The following HPSE2 variants were observed in gnomAD, a reference collection of about 807,000 sequenced individuals.
HPSE2 encodes heparanase 2 (inactive).
Under a neutral mutation model 60.5 loss-of-function variants are expected in HPSE2, and 38 were observed. The ratio of observed to expected loss-of-function variants is 0.63; its 90% CI spans 0.48 to 0.82. The LOEUF (loss-of-function observed/expected upper bound fraction) is 0.82. HPSE2 is among the 40% of genes least tolerant of loss of function. The pLI, the probability that HPSE2 is intolerant of heterozygous loss-of-function variation, is 0.00. For missense variants in HPSE2, 713 were observed against 740.4 expected (o/e 0.96, Z 0.43); for synonymous variants, 295 against 293.2 (o/e 1.01, Z -0.06).
At chr10:99,008,018 G>A (rs1956930996) in intron 3 of HPSE2, among the ~76,000 whole-genome samples, 1 of 152,202 alleles carries the variant, frequency 6.6e-6, no homozygotes, top group South Asian at 2.1e-4. Flanking sequence ...GACTTAGGCA[G>A]TCCAAAAAGA....
chr10:98,462,399 G>A (rs1002742198), intron 11 of HPSE2, among the ~76,000 whole-genome samples: 7 of 152,062 alleles, frequency 4.6e-5, no homozygotes, highest in Non-Finnish European at 8.8e-5. Flanking sequence ...GGCTGGTCTC[G>A]AACTCCTGAC....
In HPSE2 at chr10:99,015,416, A is replaced by C. The variant is rs1374568292; in HGVS notation, c.610+128822T>G. ...CACAACAGAAAAGACTTGGAACGAAACCAAATGTCCAACAATGATAGACTG... is the reference window on the plus strand; with the variant it reads ...CACAACAGAAAAGACTTGGAACGAACCCAAATGTCCAACAATGATAGACTG... On this transcript the variant is annotated intron_variant, in intron 3 of 11. Coordinates refer to ENST00000370552, the MANE Select transcript of HPSE2 (RefSeq NM_021828.5). 7.2e-5 allele frequency among the ~76,000 whole-genome samples: 11 copies of C among 152,302 alleles called. No individual in the cohort carries two copies. In the East Asian group the frequency reaches 1.4e-3, roughly 19 times the overall value.
chr10:99,090,259 G>C (rs573696669), intron 3 of HPSE2, among the ~76,000 whole-genome samples: 1 of 152,018 alleles, frequency 6.6e-6, no homozygotes, highest in South Asian at 2.1e-4. Context: ...TTTCTCCATA[G>C]CACTCATCAC....
At chr10:98,535,698 G>C (rs762411176) in intron 9 of HPSE2, among the ~76,000 whole-genome samples, 2 of 152,172 alleles carry the variant, frequency 1.3e-5, no homozygotes, top group Admixed American at 6.5e-5. Context: ...CCAGGAGAGA[G>C]AGGCATCTTT....
At chr10:98,963,642 C>T (rs1027687423) in intron 3 of HPSE2, among the ~76,000 whole-genome samples, 4 of 152,090 alleles carry the variant, frequency 2.6e-5, no homozygotes, top group Admixed American at 1.3e-4. Flanking sequence ...TCAAGAAATA[C>T]GTAAGTATGG....
chr10:99,277,150 A>ATAT, the HPSE2 span, among the ~76,000 whole-genome samples: 1 of 152,216 alleles, frequency 6.6e-6, no homozygotes, highest in Non-Finnish European at 1.5e-5. Flanking sequence ...GTTCAAATCA[A>ATAT]GATATCCCGT....
At chr10:98,796,651 A>G (rs1251533415) in intron 3 of HPSE2, among the ~76,000 whole-genome samples, 2 of 152,236 alleles carry the variant, frequency 1.3e-5, no homozygotes, top group East Asian at 3.9e-4. Flanking sequence ...CTGGTTGATC[A>G]TAGAGACATT....
At chr10:99,297,906 C>T in the HPSE2 span, among the ~76,000 whole-genome samples, 1 of 152,156 alleles carries the variant, frequency 6.6e-6, no homozygotes, top group Non-Finnish European at 1.5e-5. Flanking sequence ...AGCCGCTCCC[C>T]CAGGCGAATG....
At chr10:99,060,628 A>G (rs1056511792) in intron 3 of HPSE2, among the ~76,000 whole-genome samples, 4 of 136,892 alleles carry the variant, frequency 2.9e-5, no homozygotes, top group Middle Eastern at 4.3e-3. Flanking sequence ...ATTGCGCTCC[A>G]GCCTGGGCAA....
chr10:99,272,607 T>C, the HPSE2 span, among the ~76,000 whole-genome samples: 1 of 151,758 alleles, frequency 6.6e-6, no homozygotes, highest in African/African-American at 2.4e-5. Context: ...AAAAGTAGAC[T>C]AAGGACATGA....
chr10:99,225,385 A>G (rs1264688450), intron 2 of HPSE2, among the ~76,000 whole-genome samples: 6 of 152,078 alleles, frequency 3.9e-5, no homozygotes, highest in Non-Finnish European at 5.9e-5. Flanking sequence ...TCCCAGCTTC[A>G]GTGTCAAACA....
the HPSE2 span, among the ~76,000 whole-genome samples, chr10:99,294,706 G>A: frequency 1.8e-4 from 27 of 151,842 alleles, no homozygotes; most frequent in Non-Finnish European, 2.9e-4. Context: ...GGCCGAGGCC[G>A]GTAGATCATC....
At chr10:98,936,834 C>T (rs1954807424) in intron 3 of HPSE2, among the ~76,000 whole-genome samples, 1 of 140,714 alleles carries the variant, frequency 7.1e-6, no homozygotes, top group Non-Finnish European at 1.5e-5. Context: ...CAAAAATTAG[C>T]TGGGCGTGGT....
chr10:98,765,936 A>T (rs1303503840), intron 3 of HPSE2, among the ~76,000 whole-genome samples: 1 of 152,058 alleles, frequency 6.6e-6, no homozygotes, highest in Non-Finnish European at 1.5e-5. Context: ...AATCTAAAGC[A>T]AGCAGAAAGA....
At chr10:98,662,435 C>T (rs1377208576) in intron 6 of HPSE2, among the ~76,000 whole-genome samples, 1 of 152,164 alleles carries the variant, frequency 6.6e-6, no homozygotes, top group Non-Finnish European at 1.5e-5. Context: ...GGCCATCATC[C>T]TTAGCAAACA....
At chr10:98,765,224 C>T (rs1031022415) in intron 3 of HPSE2, among the ~76,000 whole-genome samples, 2 of 152,102 alleles carry the variant, frequency 1.3e-5, no homozygotes, top group African/African-American at 4.8e-5. Context: ...TTTAGCAGTG[C>T]TCATAACACT....
chr10:98,736,059 C>A (rs934465338), intron 4 of HPSE2, among the ~76,000 whole-genome samples: 1 of 152,106 alleles, frequency 6.6e-6, no homozygotes, highest in Admixed American at 6.6e-5. Flanking sequence ...CAAATCTCAT[C>A]TTAATTGTAG....
At chr10:99,255,601 C>T in the HPSE2 span, among the ~76,000 whole-genome samples, 1 of 150,608 alleles carries the variant, frequency 6.6e-6, no homozygotes, top group Non-Finnish European at 1.5e-5. Context: ...CACACGACTA[C>T]AATAGATGCA....
At chr10:98,913,574 C>T (rs1475094292) in intron 3 of HPSE2, among the ~76,000 whole-genome samples, 3 of 152,096 alleles carry the variant, frequency 2.0e-5, no homozygotes, top group African/African-American at 7.2e-5. Context: ...AACTTTTGGG[C>T]TCCTTCCGAA....
Sources: allele counts gnomAD v4.1 joint callset (sites outside exome capture counted in the v4.1 genomes callset), GRCh38; gene constraint gnomAD v4.1.1; transcripts MANE v1.5; gene names NCBI Gene and HGNC (gene_info 2026-07-23, HGNC 2026-07-21).